The following OPCML variants were observed in gnomAD, a reference collection of about 807,000 sequenced individuals.
OPCML encodes the protein opioid-binding protein/cell adhesion molecule.
Under a neutral mutation model 37.8 loss-of-function variants are expected in OPCML, and 13 were observed. The observed-to-expected ratio is 0.34, with a 90% CI of 0.22 to 0.55. The LOEUF is 0.55. Among genes scored for constraint, OPCML ranks in the 20% least tolerant of loss-of-function variants. OPCML has a pLI of 0.91. For missense variants in OPCML, 341 were observed against 435.6 expected, an observed-to-expected ratio of 0.78 and a Z score of 1.93; for synonymous variants, 176 against 168.8, an observed-to-expected ratio of 1.04 and a Z score of -0.33.
chr11:132,805,849 A>T (rs1395113009), intron 2 of OPCML, among the ~76,000 whole-genome samples: 2 of 152,346 alleles, frequency 1.3e-5, no homozygotes, highest in South Asian at 2.1e-4. Flanking sequence ...TATGTGGGTA[A>T]ATATAAATGA....
intron 3 of OPCML, among the ~76,000 whole-genome samples, chr11:132,611,702 G>A (rs1242505986): frequency 6.6e-6 from 1 of 152,150 alleles, no homozygotes; most frequent in African/African-American, 2.4e-5. Context: ...GAGGAATACA[G>A]TTTGAAGCAG....
At chr11:132,620,331 A>T (rs1193718587) in intron 3 of OPCML, among the ~76,000 whole-genome samples, 1 of 152,334 alleles carries the variant, frequency 6.6e-6, no homozygotes, top group Middle Eastern at 3.4e-3. Flanking sequence ...CCAGTTACAC[A>T]CTCACATTTC....
At chr11:132,608,772 G>A (rs948531023) in intron 3 of OPCML, among the ~76,000 whole-genome samples, 3 of 152,118 alleles carry the variant, frequency 2.0e-5, no homozygotes, top group East Asian at 1.9e-4. Flanking sequence ...CTGGCATTCA[G>A]TAGATATACA....
chr11:132,598,839 C>T (rs1937628530), intron 3 of OPCML, among the ~76,000 whole-genome samples: 1 of 152,106 alleles, frequency 6.6e-6, no homozygotes, highest in Admixed American at 6.5e-5. Flanking sequence ...AATTTCTCTG[C>T]TGGATACTGA....
chr11:133,455,481 C>G (rs1345837337), intron 1 of OPCML, among the ~76,000 whole-genome samples: 2 of 152,142 alleles, frequency 1.3e-5, no homozygotes. Flanking sequence ...TAGCCATGTG[C>G]ATAGTGCAAT....
chr11:132,454,041 T>A (rs2096075115), intron 4 of OPCML, among the ~76,000 whole-genome samples: 1 of 152,222 alleles, frequency 6.6e-6, no homozygotes, highest in African/African-American at 2.4e-5. Context: ...CACTTCTATA[T>A]GATTAGCAAG....
intron 1 of OPCML, among the ~76,000 whole-genome samples, chr11:133,498,482 A>C (rs1947833433): frequency 6.6e-6 from 1 of 152,206 alleles, no homozygotes; most frequent in Non-Finnish European, 1.5e-5. Flanking sequence ...AACCGGGCAC[A>C]ATATCGCGCA....
chr11:133,210,892 G>A (rs1362518187), intron 1 of OPCML, among the ~76,000 whole-genome samples: 1 of 152,062 alleles, frequency 6.6e-6, no homozygotes, highest in Non-Finnish European at 1.5e-5. Flanking sequence ...CGGTTAGAAT[G>A]TTTTGGGTCT....
intron 1 of OPCML, among the ~76,000 whole-genome samples, chr11:133,145,565 T>G (rs1373285583): frequency 6.6e-6 from 1 of 152,248 alleles, no homozygotes; most frequent in Non-Finnish European, 1.5e-5. Flanking sequence ...ATACTTGTGC[T>G]TTCTTCTGAA....
chr11:133,524,546 G>A (rs1053309741), intron 1 of OPCML, among the ~76,000 whole-genome samples: 7 of 152,282 alleles, frequency 4.6e-5, no homozygotes, highest in African/African-American at 1.4e-4. Context: ...CTGATTAAAC[G>A]TGCTGAGTAA....
intron 2 of OPCML, among the ~76,000 whole-genome samples, chr11:132,931,599 G>C (rs2136631755): frequency 6.6e-6 from 1 of 152,214 alleles, no homozygotes; most frequent in South Asian, 2.1e-4. Context: ...CAAAATCACA[G>C]TGAGATGCCA....
intron 3 of OPCML, among the ~76,000 whole-genome samples, chr11:132,617,419 C>T (rs559049540): frequency 2.2e-4 from 34 of 152,164 alleles, no homozygotes; most frequent in Non-Finnish European, 4.0e-4. Context: ...GTCTGAGGGA[C>T]ACTTCGAAGT....
intron 1 of OPCML, among the ~76,000 whole-genome samples, chr11:133,307,115 C>T (rs1032588191): frequency 6.6e-6 from 1 of 152,148 alleles, no homozygotes; most frequent in Non-Finnish European, 1.5e-5. Flanking sequence ...CTCCTTCCCT[C>T]ATGGAATTTC....
chr11:132,812,035 A>G (rs11223222), intron 2 of OPCML, among the ~76,000 whole-genome samples: 3,677 of 152,258 alleles, frequency 0.024, 65 homozygotes, highest in Non-Finnish European at 0.041. Context: ...AAATACCTGG[A>G]CAGTCTGGAT....
At chr11:133,318,345 C>T (rs1376230001) in intron 1 of OPCML, among the ~76,000 whole-genome samples, 1 of 152,184 alleles carries the variant, frequency 6.6e-6, no homozygotes, top group East Asian at 1.9e-4. Context: ...CGCTCTATAC[C>T]TCATCATCCT....
intron 2 of OPCML, among the ~76,000 whole-genome samples, chr11:132,777,211 G>A (rs1325746811): frequency 6.6e-6 from 1 of 152,172 alleles, no homozygotes; most frequent in Non-Finnish European, 1.5e-5. Flanking sequence ...AAGAAAAAGA[G>A]CCCCATCCAA....
chr11:132,921,290 G>A (rs958291138), intron 2 of OPCML, among the ~76,000 whole-genome samples: 3 of 152,158 alleles, frequency 2.0e-5, no homozygotes, highest in South Asian at 2.1e-4. Context: ...AGGCCACGAC[G>A]CAGTGAATGC....
At chr11:132,568,040 G>A (rs964831220) in intron 3 of OPCML, among the ~76,000 whole-genome samples, 4 of 142,464 alleles carry the variant, frequency 2.8e-5, no homozygotes, top group Non-Finnish European at 4.6e-5. Flanking sequence ...GTGTGTGTGT[G>A]TGCGCGCGCG....
intron 2 of OPCML, among the ~76,000 whole-genome samples, chr11:132,923,079 A>ATAAT (rs1944863900): frequency 6.8e-6 from 1 of 146,008 alleles, no homozygotes; most frequent in Non-Finnish European, 1.5e-5. Flanking sequence ...GTCTCAGAAA[A>ATAAT]AAATAAATAA....
Sources: allele counts gnomAD v4.1 joint callset (sites outside exome capture counted in the v4.1 genomes callset), GRCh38; gene constraint gnomAD v4.1.1; transcripts MANE v1.5; gene names NCBI Gene and HGNC (gene_info 2026-07-23, HGNC 2026-07-21).